The following UBA6 variants were observed in gnomAD, a reference collection of about 807,000 sequenced individuals.
UBA6 encodes the protein ubiquitin-like modifier-activating enzyme 6.
Under a neutral mutation model 148.3 loss-of-function variants are expected in UBA6, and 87 were observed. The observed-to-expected ratio is 0.59, with a 90% CI of 0.49 to 0.70. The LOEUF is 0.70. UBA6 is among the 30% of genes least tolerant of loss of function. The pLI, the probability that UBA6 is intolerant of heterozygous loss-of-function variation, is 0.00. For missense variants in UBA6, 1,186 were observed against 1,241.2 expected (o/e 0.96, Z 0.67); for synonymous variants, 376 against 401.0 (o/e 0.94, Z 0.75).
chr4:67,685,114 C>A (rs914338968), intron 2 of UBA6, among the ~76,000 whole-genome samples: 1 of 152,266 alleles, frequency 6.6e-6, no homozygotes, highest in African/African-American at 2.4e-5. Flanking sequence ...AGTTCCCTGA[C>A]CTAATTCTTT....
At chr4:67,689,036 C>G (rs1446969078) in intron 2 of UBA6, among the ~76,000 whole-genome samples, 1 of 152,098 alleles carries the variant, frequency 6.6e-6, no homozygotes, top group Non-Finnish European at 1.5e-5. Flanking sequence ...GCAGAAGTGA[C>G]ACACCTTCAG....
chr4:67,685,775 C>T (rs1274053069), intron 2 of UBA6, among the ~76,000 whole-genome samples: 4 of 152,038 alleles, frequency 2.6e-5, no homozygotes, highest in Non-Finnish European at 5.9e-5. Flanking sequence ...GGTTCAGCCC[C>T]CTATTGCCCT....
intron 16 of UBA6, among the ~76,000 whole-genome samples, chr4:67,645,175 TTTTA>T (rs1729394262): frequency 6.6e-6 from 1 of 152,188 alleles, no homozygotes; most frequent in South Asian, 2.1e-4. Flanking sequence ...CAAAACATTA[TTTTA>T]AAGATGATTA....
At chr4:67,695,037 T>TAA (rs1730799996) in intron 2 of UBA6, among the ~76,000 whole-genome samples, 1 of 152,196 alleles carries the variant, frequency 6.6e-6, no homozygotes, top group Non-Finnish European at 1.5e-5. Flanking sequence ...AAATGGAAAG[T>TAA]TTAGTCACTG....
intron 19 of UBA6, among the ~76,000 whole-genome samples, chr4:67,637,463 TG>T (rs1294903623): frequency 6.6e-6 from 1 of 152,270 alleles, no homozygotes; most frequent in Middle Eastern, 3.4e-3. Context: ...GAACGGGCCA[TG>T]ATGACGATGG....
Position 67,673,745 on chromosome 4 carries a change from C to A in UBA6, c.498G>T (p.Leu166Phe), listed in dbSNP as rs893753460. The A allele has an allele frequency of 3.1e-6, 5 of 1,611,946 alleles. No individual in the cohort carries two copies. The Admixed American group carries it at 6.7e-5, about 21-fold the overall frequency. The change falls in exon 7 of 33, where the codon TTG becomes TTT. Residue 166 changes from leucine (L) to phenylalanine (F), a missense_variant. Physicochemically the swap from Leu to Phe is conservative, Grantham distance 22. Transcript: ENST00000322244. ...CVVLTEMKLP[L>F]QKKINDFCRS... ...GGCAAAAGTCATTGATCTTCTTCTG[C>A]AATGGAAGTTTCATCTCAGTCAATA...
At chr4:67,640,567 G>C (rs1729281345) in intron 18 of UBA6, among the ~76,000 whole-genome samples, 1 of 152,094 alleles carries the variant, frequency 6.6e-6, no homozygotes, top group African/African-American at 2.4e-5. Flanking sequence ...TCCTGTGTTG[G>C]CCTCCCAAAG....
intron 19 of UBA6, among the ~76,000 whole-genome samples, chr4:67,637,565 G>A (rs548853271): frequency 3.0e-4 from 46 of 152,242 alleles, no homozygotes; most frequent in African/African-American, 1.1e-3. Context: ...GTAGACATAC[G>A]AGACTCCATT....
chr4:67,653,133 A>G (rs1729594679), intron 13 of UBA6, among the ~76,000 whole-genome samples: 1 of 152,256 alleles, frequency 6.6e-6, no homozygotes, highest in African/African-American at 2.4e-5. Flanking sequence ...CAACTTCTGC[A>G]GACTTAAATG....
chr4:67,666,853 C>A (rs934282048), intron 9 of UBA6, among the ~76,000 whole-genome samples: 1 of 151,342 alleles, frequency 6.6e-6, no homozygotes, highest in African/African-American at 2.4e-5. Context: ...TCAGCCTGGG[C>A]AACAGAGCAA....
chr4:67,634,357 A>G (rs767718802), intron 21 of UBA6, 35 bp from the exon 22 acceptor site: 2 of 1,561,682 alleles, frequency 1.3e-6, no homozygotes, highest in South Asian at 1.2e-5. Context: ...AATTACAAAT[A>G]GAAGTCTGTT....
At chr4:67,629,476 T>TATGTTTTATGTTTTTA (rs1475490263) in intron 26 of UBA6, among the ~76,000 whole-genome samples, 2 of 151,946 alleles carry the variant, frequency 1.3e-5, no homozygotes, top group African/African-American at 4.8e-5. Flanking sequence ...CCCTTAGCTT[T>TATGTTTTATGTTTTTA]ATGTTTTATG....
Position 67,624,123 on chromosome 4 carries a change from T to C in UBA6, c.2840+3A>G, listed in dbSNP as rs747407581. 13 of 1,580,102 alleles carry C rather than the reference T, an allele frequency of 8.2e-6. No individual in the cohort carries two copies. The highest frequency in any genetic ancestry group is 1.2e-5 in the South Asian group (1 of 84,956). On this transcript the variant is annotated splice_donor_region_variant and intron_variant, in intron 30 of 32. Coordinates refer to ENST00000322244, the MANE Select transcript of UBA6 (RefSeq NM_018227.6). ...TACAAGAGAAATAGACTTTCATACATACCTGATTTTAGTTTTCCTTACTTC... is the reference window on the plus strand; with the variant it reads ...TACAAGAGAAATAGACTTTCATACACACCTGATTTTAGTTTTCCTTACTTC...
intron 11 of UBA6, chr4:67,663,461 GTTCC>G (rs1729914066): frequency 5.1e-6 from 2 of 395,170 alleles, no homozygotes; most frequent in African/African-American, 2.1e-5. Context: ...GAAACTGTTA[GTTCC>G]TTCCTTATCA....
Position 67,631,666 on chromosome 4 carries a change from A to G in UBA6, c.2258+42T>C, listed in dbSNP as rs748173919. On this transcript the variant is annotated intron_variant, in intron 25 of 32. Coordinates refer to ENST00000322244, the MANE Select transcript of UBA6 (RefSeq NM_018227.6). ...CAGTTAAGGAATTTACAGTAAAGAA[A>G]TATATAATGAAGGATACATAAAACT... 1.7e-5 allele frequency: 24 copies of G among 1,428,036 alleles called. 1 individual carries two copies. The East Asian group carries it at 5.4e-4, about 32-fold the overall frequency. The allele number at this position is 1,428,036 out of a possible 1,614,324, so 88.5% of individuals were successfully genotyped here. A position where few individuals can be genotyped will look rare whatever the true frequency, so the allele number is the denominator to read the frequency against.
chr4:67,672,950 T>C (rs1024796450), intron 7 of UBA6, among the ~76,000 whole-genome samples: 1 of 152,202 alleles, frequency 6.6e-6, no homozygotes, highest in Admixed American at 6.5e-5. Flanking sequence ...TTCTTCTTCA[T>C]AGGACTTGAA....
intron 29 of UBA6, 59 bp downstream of exon 29, chr4:67,624,935 G>C (rs1162948338): frequency 1.4e-6 from 2 of 1,408,178 alleles, no homozygotes; most frequent in East Asian, 2.3e-5. Context: ...GTATGACGGG[G>C]AAGTCAGGGA....
At chr4:67,692,379 C>A (rs564789214) in intron 2 of UBA6, among the ~76,000 whole-genome samples, 88 of 152,166 alleles carry the variant, frequency 5.8e-4, no homozygotes, top group Admixed American at 9.8e-4. Flanking sequence ...AAGCAAGCAC[C>A]AGGATTTAAG....
chr4:67,683,812 C>T (rs1047341230), intron 2 of UBA6, among the ~76,000 whole-genome samples: 6 of 152,116 alleles, frequency 3.9e-5, no homozygotes, highest in African/African-American at 1.4e-4. Flanking sequence ...GTGGCTCACG[C>T]CTATAATCCC....
Sources: allele counts gnomAD v4.1 joint callset (sites outside exome capture counted in the v4.1 genomes callset), GRCh38; gene constraint gnomAD v4.1.1; transcripts MANE v1.5; gene names NCBI Gene and HGNC (gene_info 2026-07-23, HGNC 2026-07-21).